The following ZNF618 variants were observed in gnomAD, a reference collection of about 807,000 sequenced individuals.
ZNF618 encodes the protein neural precursor cell expressed, developmentally down-regulated 10.
A neutral mutation model predicts 103.0 loss-of-function variants in ZNF618; 34 were observed. That is an observed-to-expected ratio of 0.33 (90% CI 0.25 to 0.44). ZNF618 has a LOEUF of 0.44. ZNF618 is among the 20% of genes least tolerant of loss of function. ZNF618 has a pLI of 1.00. For synonymous variants in ZNF618, 551 were observed against 542.2 expected, an observed-to-expected ratio of 1.02 and a Z score of -0.23; for missense variants, 1,059 against 1,295.4, an observed-to-expected ratio of 0.82 and a Z score of 2.80.
intron 1 of ZNF618, among the ~76,000 whole-genome samples, chr9:113,934,816 G>C (rs758429499): frequency 2.6e-5 from 4 of 152,224 alleles, no homozygotes; most frequent in Non-Finnish European, 5.9e-5. Context: ...GGCCTTGGGC[G>C]TGAGGATGTG....
At chr9:113,898,064 A>G (rs980728630) in intron 1 of ZNF618, among the ~76,000 whole-genome samples, 1 of 152,242 alleles carries the variant, frequency 6.6e-6, no homozygotes, top group Non-Finnish European at 1.5e-5. Context: ...AAGTGCTGGC[A>G]TTACAGGCGT....
intron 1 of ZNF618, among the ~76,000 whole-genome samples, chr9:113,929,054 G>A (rs922778431): frequency 1.3e-5 from 2 of 152,132 alleles, no homozygotes; most frequent in Admixed American, 6.6e-5. Flanking sequence ...TTCCCCTGGT[G>A]TATTTTAAAT....
At chr9:113,932,356 G>T (rs888863741) in intron 1 of ZNF618, among the ~76,000 whole-genome samples, 5 of 152,174 alleles carry the variant, frequency 3.3e-5, no homozygotes. Context: ...TTAGGCAGGG[G>T]TAGCCAGGTC....
rs921684628 is a variant in ZNF618, at chr9:114,049,312, C to T, written c.2010C>T (p.Asp670=). 4 of 1,611,764 alleles carry T rather than the reference C, an allele frequency of 2.5e-6. No individual in the cohort carries two copies. Among genetic ancestry groups the T allele is most frequent in the Non-Finnish European group, 2.5e-6 (3 of 1,179,662 alleles). Residue 670 remains aspartate, a synonymous_variant, in exon 15 of 15, where the codon GAC becomes GAT. Coordinates refer to ENST00000374126, the MANE Select transcript of ZNF618 (RefSeq NM_001318042.2). ...EVIELLNVCE[D]LAGSTGLAKE... is the part of the protein sequence containing the mutation. ...TCGAGCTGCTCAACGTGTGCGAGGA[C>T]CTGGCGGGCTCCACGGGCCTGGCCA...
chr9:113,913,968 A>G (rs1191683925), intron 1 of ZNF618, among the ~76,000 whole-genome samples: 2 of 152,164 alleles, frequency 1.3e-5, no homozygotes, highest in African/African-American at 4.8e-5. Flanking sequence ...TTAGAAATTC[A>G]CAGTGGCCAT....
intron 1 of ZNF618, among the ~76,000 whole-genome samples, chr9:113,880,001 C>T (rs1359440910): frequency 1.3e-5 from 2 of 152,090 alleles, no homozygotes; most frequent in Non-Finnish European, 1.5e-5. Context: ...AAATAAACAG[C>T]CAATGGCTTG....
intron 2 of ZNF618, among the ~76,000 whole-genome samples, chr9:113,970,834 T>A (rs547000925): frequency 6.6e-6 from 1 of 150,984 alleles, no homozygotes; most frequent in African/African-American, 2.4e-5. Flanking sequence ...CTTCCCTGTG[T>A]TCCTTTTTTT....
intron 4 of ZNF618, among the ~76,000 whole-genome samples, chr9:113,999,978 A>C (rs1180289258): frequency 6.6e-6 from 1 of 152,228 alleles, no homozygotes; most frequent in Non-Finnish European, 1.5e-5. Flanking sequence ...ACAGCAAGAC[A>C]CCATGGATTT....
chr9:113,884,897 A>G (rs959960860), intron 1 of ZNF618, among the ~76,000 whole-genome samples: 28 of 152,316 alleles, frequency 1.8e-4, no homozygotes, highest in Middle Eastern at 3.4e-3. Flanking sequence ...TAAAAGCCTC[A>G]GATTTCTTCA....
chr9:114,028,757 C>T lies in ZNF618; in HGVS notation c.869C>T (p.Pro290Leu), dbSNP rs774466649. 1.9e-5 allele frequency: 30 copies of T among 1,550,446 alleles called. No individual in the cohort carries two copies. Among genetic ancestry groups the T allele is most frequent in the South Asian group, 7.1e-5 (6 of 84,046 alleles). The change falls in exon 11 of 15, where the codon CCG (proline) becomes CTG (leucine). Residue 290 changes from proline to leucine, a missense_variant. By Grantham distance (98) the Pro-to-Leu change is moderately conservative. This residue lies in a region of ZNF618 where 434 missense variants were observed against 476.0 expected (regional missense o/e 0.91). Coordinates refer to ENST00000374126, the MANE Select transcript of ZNF618 (RefSeq NM_001318042.2). ...GGTACTGCCCCCGGGTGGGAGCCAC[C>T]GGATGATCCAGACACGGGCTCTGAG... ...PISTAPGWEPPDDPDTGSECS... is the reference protein window; with the variant it reads ...PISTAPGWEPLDDPDTGSECS...
chr9:113,938,572 C>CTT (rs71367741), intron 1 of ZNF618, among the ~76,000 whole-genome samples: 2 of 136,714 alleles, frequency 1.5e-5, no homozygotes, highest in Admixed American at 8.3e-5. Context: ...TTCTTTTTTT[C>CTT]TTTTTTTTTT....
chr9:113,970,906 G>C (rs995783291), intron 2 of ZNF618, among the ~76,000 whole-genome samples: 3 of 146,896 alleles, frequency 2.0e-5, no homozygotes, highest in African/African-American at 7.6e-5. Flanking sequence ...TCACTGCTGT[G>C]GGCCTGGCCC....
chr9:114,005,769 G>A (rs1841691801), intron 6 of ZNF618, among the ~76,000 whole-genome samples: 2 of 152,154 alleles, frequency 1.3e-5, no homozygotes, highest in Admixed American at 1.3e-4. Flanking sequence ...GTTGATTGCT[G>A]GCTACATGAA....
chr9:114,002,685 G>A (rs1405649202), intron 6 of ZNF618, 23 bp downstream of exon 6: 1 of 1,609,840 alleles, frequency 6.2e-7, no homozygotes, highest in Non-Finnish European at 8.5e-7. Context: ...TCCTCCTCGT[G>A]GGCTGCTGAG....
chr9:113,999,183 G>A (rs1840920906), intron 4 of ZNF618, among the ~76,000 whole-genome samples: 1 of 152,124 alleles, frequency 6.6e-6, no homozygotes, highest in Admixed American at 6.5e-5. Context: ...CCCAGAGTCG[G>A]GCTGAGCGAG....
In ZNF618 at chr9:114,002,112, A is replaced by G. The variant is rs143246917; in HGVS notation, c.511+39A>G. On this transcript the variant is annotated intron_variant, in intron 5 of 14. Coordinates refer to ENST00000374126, the MANE Select transcript of ZNF618 (RefSeq NM_001318042.2). ...CCCTGGGGCAGAGCCCAGGGGCCGCACCTCCCACTGTCTGCCTGTTTCCCA... is the reference window on the plus strand; with the variant it reads ...CCCTGGGGCAGAGCCCAGGGGCCGCGCCTCCCACTGTCTGCCTGTTTCCCA... The G allele has an allele frequency of 5.0e-4, 785 of 1,577,408 alleles. 6 individuals are homozygous for G. The African/African-American group carries it at 8.7e-3, about 17-fold the overall frequency.
chr9:113,917,322 T>G (rs936939615), intron 1 of ZNF618, among the ~76,000 whole-genome samples: 1 of 150,394 alleles, frequency 6.6e-6, no homozygotes, highest in Non-Finnish European at 1.5e-5. Context: ...CTCCACTCAT[T>G]GTACTCACTA....
chr9:113,952,414 AC>A (rs1835863192), intron 1 of ZNF618, among the ~76,000 whole-genome samples: 1 of 151,920 alleles, frequency 6.6e-6, no homozygotes, highest in African/African-American at 2.4e-5. Flanking sequence ...GTGTCTGTCC[AC>A]CCCCTGATGA....
intron 4 of ZNF618, among the ~76,000 whole-genome samples, chr9:114,000,614 A>G (rs1226779167): frequency 6.6e-6 from 1 of 152,208 alleles, no homozygotes; most frequent in Admixed American, 6.5e-5. Flanking sequence ...GCAGAGCTGA[A>G]CTAGGCTTCA....
Sources: allele counts gnomAD v4.1 joint callset (sites outside exome capture counted in the v4.1 genomes callset), GRCh38; gene constraint gnomAD v4.1.1; regional missense constraint gnomAD v4.1.1; transcripts MANE v1.5; gene names NCBI Gene and HGNC (gene_info 2026-07-23, HGNC 2026-07-21).